Variants in LRRC7 observed in about 807,000 individuals in gnomAD.
The protein encoded by LRRC7 is leucine rich repeat containing 7, also known as leucine-rich repeat-containing protein 7.
Under a neutral mutation model 175.7 loss-of-function variants are expected in LRRC7, and 23 were observed. The observed-to-expected ratio is 0.13, with a 90% confidence interval of 0.09 to 0.19. The LOEUF (loss-of-function observed/expected upper bound fraction) is 0.19. LRRC7 is among the 10% of genes least tolerant of loss of function. The pLI is 1.00. For missense variants in LRRC7, 1,354 were observed against 1,904.7 expected (o/e 0.71, Z 5.38); for synonymous variants, 685 against 680.9 (o/e 1.01, Z -0.09).
chr1:70,024,953 C>A (rs984355736), intron 17 of LRRC7, among the ~76,000 whole-genome samples: 2 of 151,970 alleles, frequency 1.3e-5, no homozygotes, highest in African/African-American at 4.8e-5. Context: ...AATTATTTTG[C>A]CATTTAACTC....
intron 8 of LRRC7, among the ~76,000 whole-genome samples, chr1:69,973,893 G>A (rs1460587133): frequency 1.3e-5 from 2 of 152,106 alleles, no homozygotes; most frequent in Non-Finnish European, 2.9e-5. Context: ...GCCATTTTGT[G>A]TTTGATTTTG....
At chr1:70,091,556 T>G (rs758494372) in intron 25 of LRRC7, among the ~76,000 whole-genome samples, 2 of 152,170 alleles carry the variant, frequency 1.3e-5, no homozygotes, top group South Asian at 2.1e-4. Flanking sequence ...ATGAATAGAT[T>G]GTTAAGTAGT....
chr1:69,999,149 T>A (rs980172724), intron 11 of LRRC7, among the ~76,000 whole-genome samples: 10 of 152,188 alleles, frequency 6.6e-5, no homozygotes, highest in Admixed American at 2.0e-4. Context: ...ATCTTCCTGG[T>A]AGTTGAATTG....
intron 1 of LRRC7, among the ~76,000 whole-genome samples, chr1:69,602,046 A>T (rs1647095866): frequency 6.6e-6 from 1 of 152,182 alleles, no homozygotes; most frequent in Non-Finnish European, 1.5e-5. Flanking sequence ...TTCAACGAGA[A>T]TCTTAAGAAG....
intron 1 of LRRC7, among the ~76,000 whole-genome samples, chr1:69,570,616 T>C (rs565295669): frequency 1.3e-5 from 2 of 152,192 alleles, no homozygotes; most frequent in Non-Finnish European, 2.9e-5. Context: ...CCAGGCTTCC[T>C]TGAATTGGCT....
chr1:69,662,339 A>G (rs1486233250), intron 1 of LRRC7, among the ~76,000 whole-genome samples: 1 of 152,218 alleles, frequency 6.6e-6, no homozygotes, highest in African/African-American at 2.4e-5. Context: ...ATTTTTCAAG[A>G]CATTCATAAT....
intron 17 of LRRC7, among the ~76,000 whole-genome samples, chr1:70,026,039 C>G (rs576235256): frequency 3.3e-5 from 5 of 152,084 alleles, no homozygotes; most frequent in Middle Eastern, 6.8e-3. Flanking sequence ...TATAAAATAA[C>G]CAGAAAATAT....
At chr1:69,773,644 T>A (rs1672488807) in intron 3 of LRRC7, among the ~76,000 whole-genome samples, 1 of 152,186 alleles carries the variant, frequency 6.6e-6, no homozygotes, top group African/African-American at 2.4e-5. Context: ...TATTGGCTTA[T>A]ATGCCTGGAC....
intron 8 of LRRC7, among the ~76,000 whole-genome samples, chr1:69,960,054 G>T (rs1650891054): frequency 6.6e-6 from 1 of 152,094 alleles, no homozygotes; most frequent in Non-Finnish European, 1.5e-5. Context: ...AGTTTTGGTA[G>T]AAATGATGCC....
chr1:69,579,340 T>A (rs1016046278), intron 1 of LRRC7, among the ~76,000 whole-genome samples: 6 of 152,164 alleles, frequency 3.9e-5, no homozygotes, highest in Admixed American at 3.3e-4. Flanking sequence ...AATCCCTTGG[T>A]TACATTCTCC....
intron 8 of LRRC7, among the ~76,000 whole-genome samples, chr1:69,956,393 T>C (rs1326310704): frequency 6.6e-6 from 1 of 151,862 alleles, no homozygotes; most frequent in East Asian, 1.9e-4. Flanking sequence ...TGGTAAGTAC[T>C]TGTTAAATTT....
intron 1 of LRRC7, among the ~76,000 whole-genome samples, chr1:69,633,592 C>T (rs949848368): frequency 6.6e-6 from 1 of 151,976 alleles, no homozygotes; most frequent in Admixed American, 6.6e-5. Flanking sequence ...CCATATCCAG[C>T]TAATTTTTCT....
chr1:69,617,978 AAGAT>A (rs1402428891), intron 1 of LRRC7, among the ~76,000 whole-genome samples: 1 of 152,120 alleles, frequency 6.6e-6, no homozygotes, highest in Non-Finnish European at 1.5e-5. Context: ...AACTCTCTCT[AAGAT>A]AGAGAAATAA....
At chr1:69,769,815 C>A (rs953679209) in intron 3 of LRRC7, among the ~76,000 whole-genome samples, 2 of 152,020 alleles carry the variant, frequency 1.3e-5, no homozygotes, top group Non-Finnish European at 2.9e-5. Context: ...ACAGAAAGTT[C>A]TTTTAGTTGC....
At chr1:69,879,215 A>AAAAAAAAAAAAAC (rs1369057186) in intron 7 of LRRC7, among the ~76,000 whole-genome samples, 2 of 125,082 alleles carry the variant, frequency 1.6e-5, no homozygotes, top group African/African-American at 5.8e-5. Flanking sequence ...ACTGCTTTAA[A>AAAAAAAAAAAAAC]AAAAAAAAAA....
rs550372862 is a variant in LRRC7 at position 69,825,204 on chromosome 1, T to C, written c.422-544T>C. ...TTCAGGCAGATGCAGAGCTACACTC[T>C]GTACAGCCAACAAAAAAGAATTGTA... On this transcript the variant is annotated intron_variant, in intron 4 of 26. Coordinates refer to ENST00000651989, the MANE Select transcript of LRRC7 (RefSeq NM_001370785.2). Among the ~76,000 whole-genome samples the C allele has an allele frequency of 3.9e-5, 6 of 152,284 alleles. No individual in the cohort carries two copies. The East Asian group carries it at 1.2e-3, about 29-fold the overall frequency.
chr1:69,905,640 C>T (rs1375868931), intron 7 of LRRC7, among the ~76,000 whole-genome samples: 1 of 152,162 alleles, frequency 6.6e-6, no homozygotes, highest in Non-Finnish European at 1.5e-5. Flanking sequence ...GCCACATTTT[C>T]TTAATCCAGT....
At chr1:69,725,015 T>G (rs1666787211) in intron 2 of LRRC7, among the ~76,000 whole-genome samples, 1 of 152,114 alleles carries the variant, frequency 6.6e-6, no homozygotes, top group Admixed American at 6.6e-5. Context: ...ATATAACTTT[T>G]GACTCCACAA....
chr1:69,887,707 T>C (rs1277654425), intron 7 of LRRC7, among the ~76,000 whole-genome samples: 1 of 151,014 alleles, frequency 6.6e-6, no homozygotes, highest in African/African-American at 2.4e-5. Context: ...TGTTTTAGAG[T>C]TTCCAGTTTT....
Sources: allele counts gnomAD v4.1 joint callset (sites outside exome capture counted in the v4.1 genomes callset), GRCh38; gene constraint gnomAD v4.1.1; transcripts MANE v1.5; gene names NCBI Gene and HGNC (gene_info 2026-07-23, HGNC 2026-07-21).